DICER1: variants seen among roughly 807,000 people sequenced by gnomAD.
DICER1 encodes the protein endoribonuclease Dicer.
In DICER1, 43 loss-of-function variants were observed where a neutral mutation model predicts 194.1. That is an observed-to-expected ratio of 0.22 (90% CI 0.17 to 0.29). The LOEUF (loss-of-function observed/expected upper bound fraction) is 0.29, where lower values mean the gene tolerates loss of function less well. DICER1 is among the 10% of genes least tolerant of loss of function. The pLI is 1.00. For synonymous variants in DICER1, 832 were observed against 820.5 expected (o/e 1.01, Z -0.24); for missense variants, 1,608 against 2,317.0 (o/e 0.69, Z 6.28).
chr14:95,088,133 A>G lies in DICER1; in HGVS notation c.*2365T>C, dbSNP rs1181242650. On this transcript the variant is annotated 3_prime_UTR_variant, in exon 27 of 27. Transcript: ENST00000343455. The stretch of plus-strand genomic sequence containing the variant: ...AAAATCTACTATTTTTCTCCAACAA[A>G]AAGTGAAACGGCTGAAGTTTGCTGT... 3 of 232,888 alleles carry G rather than the reference A, an allele frequency of 1.3e-5. No individual in the cohort carries two copies. Among genetic ancestry groups the G allele is most frequent in the African/African-American group, 6.6e-5 (3 of 45,316 alleles). 14.4% of individuals were successfully genotyped at this position (232,888 alleles called of 1,614,324 possible). A position where few individuals can be genotyped will look rare whatever the true frequency, so the allele number is the denominator to read the frequency against.
intron 21 of DICER1, among the ~76,000 whole-genome samples, chr14:95,101,759 T>G (rs1890897866): frequency 6.6e-6 from 1 of 152,186 alleles, no homozygotes; most frequent in Admixed American, 6.5e-5. Flanking sequence ...AGGAGCCCAT[T>G]CGACTCTCTA....
intron 1 of DICER1, among the ~76,000 whole-genome samples, chr14:95,138,497 C>A (rs1030765746): frequency 6.6e-6 from 1 of 151,932 alleles, no homozygotes; most frequent in Non-Finnish European, 1.5e-5. Context: ...TCAGCTCTCA[C>A]AAAAAACCAT....
At chr14:95,092,680 C>T (rs1889951977) in intron 24 of DICER1, among the ~76,000 whole-genome samples, 1 of 152,184 alleles carries the variant, frequency 6.6e-6, no homozygotes, top group African/African-American at 2.4e-5. Flanking sequence ...CATTTCCAAT[C>T]AGTTCTTGTA....
intron 1 of DICER1, among the ~76,000 whole-genome samples, chr14:95,148,177 T>A (rs1215762580): frequency 7.2e-5 from 11 of 152,218 alleles, no homozygotes. Context: ...TGTGTTCAAC[T>A]ATCCAGAAGC....
Position 95,086,382 on chromosome 14 carries a change from G to C in DICER1, c.*4116C>G, listed in dbSNP as rs1889336649. On this transcript the variant is annotated 3_prime_UTR_variant, in exon 27 of 27. Transcript: ENST00000343455. ...ACATCATGTTCCTTAAAAAACAGCT[G>C]CAGCATGTGATGGTAAATATTTTAT... 1 of 232,968 alleles carries C rather than the reference G, an allele frequency of 4.3e-6. No homozygotes were observed. The highest frequency in any genetic ancestry group is 1.8e-4 in the South Asian group (1 of 5,528). 14.4% of individuals were successfully genotyped at this position (232,968 alleles called of 1,614,324 possible).
chr14:95,103,391 G>C lies in DICER1; in HGVS notation c.4005C>G (p.Tyr1335Ter), dbSNP rs755357184. 6.2e-7 allele frequency: 1 copy of C among 1,614,196 alleles called. No homozygotes were observed. The change falls in exon 21 of 27, where the codon TAC (tyrosine) becomes TAG (stop). Residue 1335 changes from tyrosine (Y) to a stop codon, truncating the protein, a stop_gained. Coordinates refer to ENST00000343455, the MANE Select transcript of DICER1 (RefSeq NM_177438.3). LOFTEE classifies it high-confidence loss of function. ...AAAGGCGGCCCTCATGCGCATCAGG[G>C]TAAGTGCAAAATAGATATGTGGTGA... is the stretch of plus-strand genomic sequence containing the variant. Reference protein sequence around the residue: ...HAITTYLFCTYPDAHEGRLSY... With the variant: ...HAITTYLFCT
At chr14:95,091,506 T>C (rs1889840316) in intron 24 of DICER1, 141 bp from the exon 25 acceptor site, 1 of 774,994 alleles carries the variant, frequency 1.3e-6, no homozygotes, top group African/African-American at 1.7e-5. Flanking sequence ...ATGCCTACTA[T>C]ATTGTAATAG....
In DICER1 at chr14:95,090,598, A is replaced by C; in HGVS notation, c.5669T>G (p.Phe1890Cys). The change falls in exon 27 of 27, where the codon TTT (phenylalanine) becomes TGT (cysteine). Residue 1890 changes from phenylalanine to cysteine, a missense_variant. This residue lies in a region of DICER1 where 138 missense variants were observed against 298.3 expected (regional missense o/e 0.46). Transcript: ENST00000343455. ...CCTGTAACTTCGACCAACACCTTTA[A>C]ATTTCCCCTTTCCTACTACTTCCAC... Reference protein sequence around the residue: ...VTVEVVGKGKFKGVGRSYRIA... With the variant: ...VTVEVVGKGKCKGVGRSYRIA... 1 of 1,614,054 alleles carries C rather than the reference A, an allele frequency of 6.2e-7. No individual in the cohort carries two copies. The highest frequency in any genetic ancestry group is 1.1e-5 in the South Asian group (1 of 91,058).
rs200705142 is a variant in DICER1 at position 95,155,594 on chromosome 14, G to C, written c.-46+1636C>G. Among the ~76,000 whole-genome samples the C allele has an allele frequency of 5.2e-5, 3 of 57,616 alleles. No homozygotes were observed. In the African/African-American group the frequency reaches 7.1e-4, roughly 14 times the overall value. The allele number at this position is 57,616 out of a possible 152,430, so 37.8% of individuals were successfully genotyped here. On this transcript the variant is annotated intron_variant, in intron 1 of 26. Coordinates refer to ENST00000343455, the MANE Select transcript of DICER1 (RefSeq NM_177438.3). ...ATTGAGCCACGGGCAAAATACAGCA[G>C]AGCAGTCAGGGCTTACCCTTCAAAC... is the stretch of plus-strand genomic sequence containing the variant.
rs1889698460 is a variant in DICER1 at position 95,090,518 on chromosome 14, G to T, written c.5749C>A (p.Pro1917Thr). Residue 1917 changes from proline to threonine, a missense_variant, in exon 27 of 27, where the codon CCT becomes ACT. Pro to Thr is a conservative substitution (Grantham distance 38). Around this residue, in one of 10 missense-constraint regions of DICER1, gnomAD observed 138 missense variants for 298.3 expected, o/e 0.46. Coordinates refer to ENST00000343455, the MANE Select transcript of DICER1 (RefSeq NM_177438.3). ...CGGTTTCAGCTATTGGGAACCTGAG[G>T]TTGATTAGCTTTGAGGCTTCGGAGG... The part of the protein sequence containing the change: ...RALRSLKANQ[P>T]QVPNS 1.2e-6 allele frequency: 2 copies of T among 1,613,940 alleles called. No individual in the cohort carries two copies. The highest frequency in any genetic ancestry group is 1.7e-6 in the Non-Finnish European group (2 of 1,180,008).
At chr14:95,123,799 C>G (rs186125930) in intron 8 of DICER1, among the ~76,000 whole-genome samples, 7 of 152,228 alleles carry the variant, frequency 4.6e-5, no homozygotes, top group African/African-American at 1.4e-4. Flanking sequence ...CCTAAGACTA[C>G]CTGAGGGGAA....
chr14:95,146,925 A>C (rs1000829803), intron 1 of DICER1, among the ~76,000 whole-genome samples: 1 of 152,252 alleles, frequency 6.6e-6, no homozygotes, highest in Non-Finnish European at 1.5e-5. Flanking sequence ...AGGAAGGCTA[A>C]GAAGGAAAAG....
In DICER1 at chr14:95,124,642, C is replaced by A; in HGVS notation, c.930G>T (p.Leu310Phe). The change falls in exon 8 of 27, where the codon TTG becomes TTT. Residue 310 changes from leucine to phenylalanine, a missense_variant. Leu to Phe is a conservative substitution (Grantham distance 22, BLOSUM62 0). Transcript: ENST00000343455. This position sits in a 1 kb window ranked among gnomAD's most constrained non-coding sequence, Gnocchi z 4.5. ...CTGCACACCAGGGTCCCAGAACTAC[C>A]AATACGGCACGACAGTCTGATAGTA... ...KQILSDCRAV[L>F]VVLGPWCADK... 1 of 1,613,262 alleles carries A rather than the reference C, an allele frequency of 6.2e-7. No individual in the cohort carries two copies. Among genetic ancestry groups the A allele is most frequent in the Non-Finnish European group, 8.5e-7 (1 of 1,179,798 alleles).
In DICER1 at chr14:95,087,721, A is replaced by G. The variant is rs1889451713; in HGVS notation, c.*2777T>C. The stretch of plus-strand genomic sequence containing the variant: ...TTAAAAAATTTACAAATGAAGGTTC[A>G]TGTTAACTAACTTGCACACAATCAT... On this transcript the variant is annotated 3_prime_UTR_variant, in exon 27 of 27. Transcript: ENST00000343455. The G allele has an allele frequency of 4.3e-6, 1 of 233,230 alleles. No homozygotes were observed. Among genetic ancestry groups the G allele is most frequent in the Non-Finnish European group, 8.5e-6 (1 of 118,008 alleles). The allele number at this position is 233,230 out of a possible 1,614,324, so 14.4% of individuals were successfully genotyped here.
intron 6 of DICER1, 23 bp downstream of exon 6, chr14:95,129,449 C>T: frequency 6.2e-7 from 1 of 1,611,028 alleles, no homozygotes; most frequent in Non-Finnish European, 8.5e-7. Context: ...CTCATTAAAG[C>T]TGAGTCAATC....
chr14:95,112,675 A>G (rs1368640456), intron 12 of DICER1, among the ~76,000 whole-genome samples: 1 of 152,246 alleles, frequency 6.6e-6, no homozygotes, highest in Non-Finnish European at 1.5e-5. Flanking sequence ...AGTATTTACA[A>G]AAAGCAGATT....
Position 95,086,617 on chromosome 14 carries a change from G to T in DICER1, c.*3881C>A. ...AATGGACTAGAAAAAAAGAAGTAAT[G>T]ATTAAAATATATTTACAAGTTAGTT... On this transcript the variant is annotated 3_prime_UTR_variant, in exon 27 of 27. Transcript: ENST00000343455. 4.3e-6 allele frequency: 1 copy of T among 233,240 alleles called. No individual in the cohort carries two copies. Among genetic ancestry groups the T allele is most frequent in the Non-Finnish European group, 8.5e-6 (1 of 117,838 alleles). The allele number at this position is 233,240 out of a possible 1,614,324, so 14.4% of individuals were successfully genotyped here. A position where few individuals can be genotyped will look rare whatever the true frequency, so the allele number is the denominator to read the frequency against.
intron 26 of DICER1, 96 bp from the exon 27 acceptor site, chr14:95,090,759 T>C (rs1340924952): frequency 1.1e-5 from 15 of 1,418,284 alleles, no homozygotes; most frequent in Admixed American, 1.0e-4. Context: ...AGGAGTCCCA[T>C]GTATAAGCTG....
chr14:95,130,134 A>G lies in DICER1; in HGVS notation c.497T>C (p.Leu166Pro), dbSNP rs2140267054. 6.2e-7 allele frequency: 1 copy of G among 1,613,242 alleles called. No individual in the cohort carries two copies. Among genetic ancestry groups the G allele is most frequent in the East Asian group, 2.2e-5 (1 of 44,762 alleles). The change falls in exon 5 of 27, where the codon CTG (leucine) becomes CCG (proline). Residue 166 changes from leucine (L) to proline (P), a missense_variant. This residue lies in a region of DICER1 where 657 missense variants were observed against 910.1 expected (regional missense o/e 0.72). Coordinates refer to ENST00000343455, the MANE Select transcript of DICER1 (RefSeq NM_177438.3). ...AAACACCAAAAGGTTAATGTCTGAC[A>G]GTGATAAGTAACCATTTTTCAAAAC... Reference protein sequence around the residue: ...LNVLKNGYLSLSDINLLVFDE... With the variant: ...LNVLKNGYLSPSDINLLVFDE...
Sources: gnomAD v4.1 joint callset for allele counts (sites outside exome capture counted in the v4.1 genomes callset) on GRCh38, gnomAD v4.1.1 for gene constraint, gnomAD v4.1.1 regional missense constraint, Gnocchi (gnomAD v3.1) non-coding constraint, MANE v1.5 for transcripts, NCBI Gene and HGNC (gene_info 2026-07-23, HGNC 2026-07-21) for gene names.